HSF2BP: variants seen among roughly 807,000 people sequenced by gnomAD.
HSF2BP encodes the protein heat shock factor 2-binding protein.
HSF2BP carries 35 observed loss-of-function variants against 35.0 expected under a neutral mutation model. That is an observed-to-expected ratio of 1.00 (90% CI 0.76 to 1.32). The LOEUF (loss-of-function observed/expected upper bound fraction) is 1.32, where lower values mean the gene tolerates loss of function less well. Ranked by LOEUF, HSF2BP falls within the 40% of genes most tolerant of loss-of-function variation. The probability of loss-of-function intolerance (pLI) is 0.00; values close to 1 mark genes in which losing one functional copy is unlikely to be tolerated. For missense variants in HSF2BP, 326 were observed against 321.7 expected (o/e 1.01, Z -0.10); for synonymous variants, 114 against 117.4 (o/e 0.97, Z 0.18).
intron 3 of HSF2BP, among the ~76,000 whole-genome samples, chr21:43,646,038 C>T (rs986617044): frequency 3.3e-5 from 5 of 151,760 alleles, no homozygotes; most frequent in African/African-American, 7.3e-5. Context: ...CTTAGGGGCC[C>T]GGCTCGGTGG....
chr21:43,627,419 A>T (rs575849205), intron 6 of HSF2BP, among the ~76,000 whole-genome samples: 3 of 152,374 alleles, frequency 2.0e-5, no homozygotes, highest in African/African-American at 7.2e-5. Flanking sequence ...TCTGAATAAA[A>T]GCAGCTAAAC....
At position 43,645,209 on chromosome 21, in the gene HSF2BP, G is replaced by A. The variant is rs150473100; in HGVS notation, c.188-817C>T. 1.1e-3 allele frequency among the ~76,000 whole-genome samples: 164 copies of A among 152,308 alleles called. 1 individual carries two copies. The highest frequency in any genetic ancestry group is 3.4e-3 in the Middle Eastern group (1 of 294). ...GTCTAACTTCTTTGATTAAAGTAGC[G>A]ATGCTTTAGGACAATGATTCTCAAA... On this transcript the variant is annotated intron_variant, in intron 3 of 8. Transcript: ENST00000291560.
chr21:43,631,332 T>G (rs558228833), intron 5 of HSF2BP, among the ~76,000 whole-genome samples: 1 of 152,134 alleles, frequency 6.6e-6, no homozygotes, highest in Non-Finnish European at 1.5e-5. Context: ...AACACCGATC[T>G]TTTTTGGCTC....
At chr21:43,596,385 A>AAC (rs2081987456) in intron 7 of HSF2BP, among the ~76,000 whole-genome samples, 1 of 149,068 alleles carries the variant, frequency 6.7e-6, no homozygotes, top group African/African-American at 2.6e-5. Flanking sequence ...ATGCTAGTGA[A>AAC]ATACACACAC....
rs187481976 is a variant in HSF2BP at position 43,618,791 on chromosome 21, A to G, written c.575-4844T>C. Among the ~76,000 whole-genome samples, 231 of 151,736 alleles carry G rather than the reference A, an allele frequency of 1.5e-3. 1 individual carries two copies. Among genetic ancestry groups the G allele is most frequent in the Non-Finnish European group, 2.8e-3 (188 of 67,888 alleles). On this transcript the variant is annotated intron_variant, in intron 6 of 8. Transcript: ENST00000291560. ...CTCTACTAAAAATACAAAAAAAAAA[A>G]AAAAATTAGCCAGGCGCGGTGGCAG...
chr21:43,643,954 C>CA lies in HSF2BP; in HGVS notation c.291+334dup, dbSNP rs1320475012. Among the ~76,000 whole-genome samples, 172 of 99,360 alleles carry CA rather than the reference C, an allele frequency of 1.7e-3. 2 individuals are homozygous for CA. Among genetic ancestry groups the CA allele is most frequent in the East Asian group, 0.017 (62 of 3,596 alleles). 65.2% of individuals were successfully genotyped at this position (99,360 alleles called of 152,430 possible). A position where few individuals can be genotyped will look rare whatever the true frequency, so the allele number is the denominator to read the frequency against. ...TGGGCGACAGAGCAAGACTCTGTCT[C>CA]AAAAAAAAAAAGGAAAAAAAAAATT... On this transcript the variant is annotated intron_variant, in intron 4 of 8. Transcript: ENST00000291560.
chr21:43,598,130 T>C (rs978129216), intron 7 of HSF2BP, among the ~76,000 whole-genome samples: 4 of 152,172 alleles, frequency 2.6e-5, no homozygotes, highest in Non-Finnish European at 5.9e-5. Context: ...AAGATCAAAA[T>C]ATATAAAAGC....
chr21:43,467,913 CACCA>C, the HSF2BP span, among the ~76,000 whole-genome samples: 1 of 79,838 alleles, frequency 1.3e-5, no homozygotes, highest in Non-Finnish European at 2.7e-5. Context: ...ACGCACCACA[CACCA>C]CACACACCAC....
In HSF2BP at chr21:43,613,932, G is replaced by A. The variant is rs375670432; in HGVS notation, c.590C>T (p.Ala197Val). Residue 197 changes from alanine to valine, a missense_variant, in exon 7 of 9, where the codon GCA becomes GTA. Coordinates refer to ENST00000291560, the MANE Select transcript of HSF2BP (RefSeq NM_007031.2). ...AGIVTNVAAI[A>V]CGREFLVNSS... Reference sequence around the variant, plus strand: ...ATTAACCAAGAATTCACGACCACATGCTATAGCAGCAACATCTGCAACAGA... The same window carrying A: ...ATTAACCAAGAATTCACGACCACATACTATAGCAGCAACATCTGCAACAGA... The A allele has an allele frequency of 6.2e-7, 1 of 1,608,366 alleles. No homozygotes were observed. Among genetic ancestry groups the A allele is most frequent in the Non-Finnish European group, 8.5e-7 (1 of 1,177,690 alleles).
chr21:43,445,190 AG>A, the HSF2BP span, among the ~76,000 whole-genome samples: 1 of 20,982 alleles, frequency 4.8e-5, no homozygotes, highest in African/African-American at 1.7e-4. Context: ...CCCGCACAGG[AG>A]GGGGGGCTGT....
chr21:43,636,894 C>CAAAAAAAAAAAAAA (rs34578952), intron 4 of HSF2BP, among the ~76,000 whole-genome samples: 39 of 111,994 alleles, frequency 3.5e-4, no homozygotes, highest in Non-Finnish European at 4.2e-4. Context: ...CGTCTCAAAA[C>CAAAAAAAAAAAAAA]AAAAAAAAAA....
chr21:43,608,168 A>G (rs1216219610), intron 7 of HSF2BP, among the ~76,000 whole-genome samples: 1 of 152,206 alleles, frequency 6.6e-6, no homozygotes, highest in Non-Finnish European at 1.5e-5. Context: ...AACCTACAGA[A>G]TGGGAGAAAA....
intron 8 of HSF2BP, among the ~76,000 whole-genome samples, chr21:43,589,473 T>C (rs1342205456): frequency 6.6e-6 from 1 of 152,178 alleles, no homozygotes; most frequent in Non-Finnish European, 1.5e-5. Flanking sequence ...CAATAAAAAT[T>C]CCAACAGGAT....
the HSF2BP span, among the ~76,000 whole-genome samples, chr21:43,496,170 C>T: frequency 7.8e-6 from 1 of 128,946 alleles, no homozygotes; most frequent in African/African-American, 2.8e-5. Flanking sequence ...ACACACACAT[C>T]TGCTAAAACT....
At chr21:43,620,984 G>C (rs904882521) in intron 6 of HSF2BP, among the ~76,000 whole-genome samples, 1 of 152,102 alleles carries the variant, frequency 6.6e-6, no homozygotes, top group Admixed American at 6.6e-5. Context: ...ACAAGGTGAT[G>C]AGCAACAATA....
chr21:43,592,285 CTTTCAAAT>C lies in HSF2BP; in HGVS notation c.728_735del (p.Asn243ArgfsTer21). 6.2e-7 allele frequency: 1 copy of C among 1,613,928 alleles called. No individual in the cohort carries two copies. Among genetic ancestry groups the C allele is most frequent in the South Asian group, 1.1e-5 (1 of 91,072 alleles). ...GGACTCTCGCTGATGTATTTCAAGC[CTTTCAAAT>C]TGATGCTTACATTGTATAGGGACAT... On this transcript the variant is annotated frameshift_variant, in exon 8 of 9. Coordinates refer to ENST00000291560, the MANE Select transcript of HSF2BP (RefSeq NM_007031.2). LOFTEE classifies it high-confidence loss of function.
rs556096760 is a variant in HSF2BP at position 43,602,888 on chromosome 21, A to G, written c.693-10560T>C. Among the ~76,000 whole-genome samples the G allele has an allele frequency of 8.3e-4, 126 of 152,288 alleles. 1 individual carries two copies. The highest frequency in any genetic ancestry group is 3.5e-3 in the East Asian group (18 of 5,182). ...CCTCTCTCCTCACTCGGGATGAAGA[A>G]CCACCTTAAACTCTGGGCCTTCTGC... On this transcript the variant is annotated intron_variant, in intron 7 of 8. Transcript: ENST00000291560.
At chr21:43,604,418 CCCACACACCACA>C (rs1418235551) in intron 7 of HSF2BP, among the ~76,000 whole-genome samples, 1 of 134,602 alleles carries the variant, frequency 7.4e-6, no homozygotes, top group Admixed American at 7.4e-5. Flanking sequence ...CCATACACAC[CCCACACACCACA>C]CCACACACAC....
At chr21:43,590,767 G>A (rs1462602821) in intron 8 of HSF2BP, among the ~76,000 whole-genome samples, 2 of 152,188 alleles carry the variant, frequency 1.3e-5, no homozygotes, top group African/African-American at 4.8e-5. Flanking sequence ...TACAAACTAT[G>A]ATTCCACTTA....
Sources: allele counts gnomAD v4.1 joint callset (sites outside exome capture counted in the v4.1 genomes callset), GRCh38; gene constraint gnomAD v4.1.1; transcripts MANE v1.5; gene names NCBI Gene and HGNC (gene_info 2026-07-23, HGNC 2026-07-21).